RGMA: variants seen among roughly 807,000 people sequenced by gnomAD.
RGMA encodes repulsive guidance molecule A.
A neutral mutation model predicts 23.2 loss-of-function variants in RGMA; 10 were observed. The observed-to-expected ratio is 0.43, with a 90% CI of 0.27 to 0.73. RGMA has a LOEUF of 0.73. Ranked by LOEUF, RGMA falls within the 30% of genes least tolerant of loss-of-function variation. The pLI, the probability that RGMA is intolerant of heterozygous loss-of-function variation, is 0.20. For missense variants in RGMA, 547 were observed against 630.5 expected (o/e 0.87, Z 1.42); for synonymous variants, 308 against 279.3 (o/e 1.10, Z -1.03).
At position 93,044,779 on chromosome 15, in the gene RGMA, C is replaced by G; in HGVS notation, c.*219G>C. On this transcript the variant is annotated 3_prime_UTR_variant, in exon 4 of 4. Coordinates refer to ENST00000329082, the MANE Select transcript of RGMA (RefSeq NM_020211.3). ...GAGGGGAGCTGCTCTCCCTCTCACACAGCTCTACTGTCAAACATCATGGCA... is the reference window on the plus strand; with the variant it reads ...GAGGGGAGCTGCTCTCCCTCTCACAGAGCTCTACTGTCAAACATCATGGCA... The G allele has an allele frequency of 1.7e-6, 1 of 588,960 alleles. No individual in the cohort carries two copies. The highest frequency in any genetic ancestry group is 3.0e-6 in the Non-Finnish European group (1 of 330,680). 36.5% of individuals were successfully genotyped at this position (588,960 alleles called of 1,614,324 possible). A position where few individuals can be genotyped will look rare whatever the true frequency, so the allele number is the denominator to read the frequency against.
chr15:93,055,918 G>A (rs1431436030), intron 2 of RGMA, among the ~76,000 whole-genome samples: 2 of 152,178 alleles, frequency 1.3e-5, no homozygotes, highest in African/African-American at 2.4e-5. Flanking sequence ...GAGCAGCACC[G>A]CAGCTACAGA....
At chr15:93,050,471 C>T (rs554457928) in intron 3 of RGMA, among the ~76,000 whole-genome samples, 7 of 152,282 alleles carry the variant, frequency 4.6e-5, no homozygotes, top group African/African-American at 1.7e-4. Context: ...GAGCTCTCAG[C>T]CTGCTGAGAT....
intron 1 of RGMA, among the ~76,000 whole-genome samples, chr15:93,082,942 C>T (rs1268265114): frequency 2.6e-5 from 4 of 152,262 alleles, no homozygotes; most frequent in Non-Finnish European, 5.9e-5. Flanking sequence ...AAGCCTCTCA[C>T]AGCACATCTC....
chr15:93,073,341 C>A (rs1164959394), intron 1 of RGMA, among the ~76,000 whole-genome samples: 1 of 151,886 alleles, frequency 6.6e-6, no homozygotes, highest in African/African-American at 2.4e-5. Flanking sequence ...CCGGCCGCAG[C>A]GCTCGCCGTG....
intron 3 of RGMA, among the ~76,000 whole-genome samples, chr15:93,047,650 C>T (rs1433785123): frequency 6.6e-6 from 1 of 152,082 alleles, no homozygotes; most frequent in Non-Finnish European, 1.5e-5. Context: ...CCACCCCAAC[C>T]TGGCCTCAGA....
intron 3 of RGMA, among the ~76,000 whole-genome samples, chr15:93,049,410 GTCCTC>G (rs1476694339): frequency 2.0e-5 from 3 of 152,240 alleles, no homozygotes; most frequent in Non-Finnish European, 2.9e-5. Context: ...TTGAGTTCCT[GTCCTC>G]TCCTGAGTCT....
intron 3 of RGMA, among the ~76,000 whole-genome samples, chr15:93,046,069 A>T (rs1162220185): frequency 2.0e-5 from 3 of 152,222 alleles, no homozygotes. Context: ...GGCTCCCAAG[A>T]AGAACATGCC....
chr15:93,066,326 G>C, intron 2 of RGMA: 1 of 829,798 alleles, frequency 1.2e-6, no homozygotes, highest in Non-Finnish European at 2.1e-6. Context: ...TCCGGACGTT[G>C]AACCATTTGA....
intron 1 of RGMA, among the ~76,000 whole-genome samples, chr15:93,075,694 G>A (rs1008708295): frequency 6.6e-6 from 1 of 152,150 alleles, no homozygotes; most frequent in African/African-American, 2.4e-5. Flanking sequence ...AATAGAACTC[G>A]GAAGAGGCCC....
At chr15:93,066,764 C>T (rs1353050320) in intron 2 of RGMA, among the ~76,000 whole-genome samples, 4 of 152,226 alleles carry the variant, frequency 2.6e-5, no homozygotes, top group African/African-American at 4.8e-5. Flanking sequence ...CCACCCGCCT[C>T]GGCCTCCCAA....
intron 2 of RGMA, among the ~76,000 whole-genome samples, chr15:93,070,825 G>C (rs1760212143): frequency 6.6e-6 from 1 of 152,238 alleles, no homozygotes; most frequent in African/African-American, 2.4e-5. Flanking sequence ...AAAAGAAATG[G>C]GTTTCTTGGA....
intron 2 of RGMA, chr15:93,066,632 C>T (rs888092577): frequency 4.7e-5 from 21 of 443,442 alleles, no homozygotes; most frequent in African/African-American, 1.4e-4. Context: ...TCACCACCGC[C>T]GCCGCCTCCA....
In RGMA at chr15:93,045,160, C is replaced by G; in HGVS notation, c.1191G>C (p.Ala397=). 6.2e-7 allele frequency: 1 copy of G among 1,606,030 alleles called. No individual in the cohort carries two copies. The highest frequency in any genetic ancestry group is 8.5e-7 in the Non-Finnish European group (1 of 1,176,308). ...DVNFTLAAYY[A]LEDVKMLHSN... is the part of the protein sequence containing the mutation. ...AGTGGAGCATCTTGACATCCTCCAA[C>G]GCGTAGTAGGCGGCCAGTGTGAAGT... is the stretch of plus-strand genomic sequence containing the variant. The change falls in exon 4 of 4, where the codon GCG becomes GCC. Residue 397 remains alanine, a synonymous_variant. Transcript: ENST00000329082. This position sits in a 1 kb window ranked among gnomAD's most constrained non-coding sequence, Gnocchi z 6.9.
rs751299826 is a variant in RGMA, at chr15:93,045,250, C to T, written c.1101G>A (p.Lys367=). Reference sequence around the variant, plus strand: ...GGTAGTACAGGTCCTCCACCGGCAGCTTCTCCTTGCACTTGGCCACGGCTG... The same window carrying T: ...GGTAGTACAGGTCCTCCACCGGCAGTTTCTCCTTGCACTTGGCCACGGCTG... The part of the protein sequence containing the change: ...YETAVAKCKE[K]LPVEDLYYQA... The change falls in exon 4 of 4, where the codon AAG becomes AAA. Residue 367 remains lysine (K), a synonymous_variant. Coordinates refer to ENST00000329082, the MANE Select transcript of RGMA (RefSeq NM_020211.3). This position sits in a 1 kb window ranked among gnomAD's most constrained non-coding sequence, Gnocchi z 6.9. 1.2e-6 allele frequency: 2 copies of T among 1,613,184 alleles called. No homozygotes were observed. Among genetic ancestry groups the T allele is most frequent in the South Asian group, 2.2e-5 (2 of 91,008 alleles).
intron 2 of RGMA, among the ~76,000 whole-genome samples, chr15:93,061,162 T>G (rs984130289): frequency 6.6e-6 from 1 of 152,148 alleles, no homozygotes; most frequent in African/African-American, 2.4e-5. Flanking sequence ...ATCAGGAGAT[T>G]TACTTATTTT....
chr15:93,059,902 T>C (rs17526330), intron 2 of RGMA, among the ~76,000 whole-genome samples: 94,829 of 152,046 alleles, frequency 0.62, 29,727 homozygotes, highest in East Asian at 0.82. Context: ...CGAACGTCCA[T>C]GGAAAGAAGG....
chr15:93,059,236 G>A (rs1014711307), intron 2 of RGMA, among the ~76,000 whole-genome samples: 1 of 152,206 alleles, frequency 6.6e-6, no homozygotes, highest in Non-Finnish European at 1.5e-5. Flanking sequence ...AAAGCATGAT[G>A]CGGGTCTCCT....
intron 1 of RGMA, among the ~76,000 whole-genome samples, chr15:93,087,464 C>CAAA (rs60714695): frequency 0.095 from 7,068 of 74,426 alleles, 542 homozygotes; most frequent in Non-Finnish European, 0.13. Flanking sequence ...TTTGTATGTG[C>CAAA]AAAAAAAAAA....
At chr15:93,078,886 C>T (rs1895515047) in intron 1 of RGMA, among the ~76,000 whole-genome samples, 1 of 152,222 alleles carries the variant, frequency 6.6e-6, no homozygotes, top group African/African-American at 2.4e-5. Context: ...CCCCAAGGAT[C>T]CTCCTTTGTG....
Sources: gnomAD v4.1 joint callset for allele counts (sites outside exome capture counted in the v4.1 genomes callset) on GRCh38, gnomAD v4.1.1 for gene constraint, Gnocchi (gnomAD v3.1) non-coding constraint, MANE v1.5 for transcripts, NCBI Gene and HGNC (gene_info 2026-07-23, HGNC 2026-07-21) for gene names.